Variants in GOLM1 observed in about 807,000 individuals in gnomAD.
GOLM1 encodes the protein golgi membrane protein 1.
GOLM1 carries 31 observed loss-of-function variants against 50.5 expected under a neutral mutation model. The observed-to-expected ratio is 0.61, with a 90% CI of 0.46 to 0.83. GOLM1 has a LOEUF of 0.83. Ranked by LOEUF, GOLM1 falls within the 40% of genes least tolerant of loss-of-function variation. The pLI, the probability that GOLM1 is intolerant of heterozygous loss-of-function variation, is 0.00. For synonymous variants in GOLM1, 178 were observed against 192.8 expected (o/e 0.92, Z 0.64); for missense variants, 491 against 501.3 (o/e 0.98, Z 0.20).
chr9:86,067,723 C>T (rs1464874107), intron 3 of GOLM1, among the ~76,000 whole-genome samples: 1 of 152,198 alleles, frequency 6.6e-6, no homozygotes, highest in Non-Finnish European at 1.5e-5. Context: ...ACAGGGTTGG[C>T]CGGGCGCAGT....
intron 7 of GOLM1, 50 bp from the exon 8 acceptor site, chr9:86,035,675 A>T: frequency 1.6e-6 from 2 of 1,270,128 alleles, no homozygotes; most frequent in African/African-American, 1.8e-5. Context: ...TTGATTTAAA[A>T]AAAAAAAAAA....
intron 3 of GOLM1, among the ~76,000 whole-genome samples, chr9:86,053,747 ACAC>A (rs1323452150): frequency 8.3e-4 from 1 of 1,212 alleles, no homozygotes; most frequent in Non-Finnish European, 1.9e-3. Flanking sequence ...CACACACCAC[ACAC>A]TACTGCACAC....
intron 3 of GOLM1, among the ~76,000 whole-genome samples, chr9:86,063,314 C>A (rs539613832): frequency 6.6e-6 from 1 of 152,352 alleles, no homozygotes; most frequent in African/African-American, 2.4e-5. Flanking sequence ...TCTCAATGGG[C>A]ACCCCAGGGC....
chr9:86,072,774 T>C (rs937301609), intron 3 of GOLM1, among the ~76,000 whole-genome samples: 15 of 152,232 alleles, frequency 9.9e-5, no homozygotes, highest in Admixed American at 6.5e-5. Flanking sequence ...CATCATAGAA[T>C]GCACTTATAC....
intron 9 of GOLM1, among the ~76,000 whole-genome samples, chr9:86,031,468 T>A (rs894658127): frequency 9.6e-5 from 14 of 145,250 alleles, no homozygotes; most frequent in Non-Finnish European, 6.0e-5. Context: ...TTTTTTTTTT[T>A]TTTTTTCCCC....
At chr9:86,047,757 G>T (rs1235427695) in intron 4 of GOLM1, among the ~76,000 whole-genome samples, 2 of 152,212 alleles carry the variant, frequency 1.3e-5, no homozygotes, top group Non-Finnish European at 2.9e-5. Flanking sequence ...AGCAGTCAAA[G>T]AAATGAATGA....
At chr9:86,056,954 T>C (rs967380351) in intron 3 of GOLM1, among the ~76,000 whole-genome samples, 2 of 152,192 alleles carry the variant, frequency 1.3e-5, no homozygotes, top group African/African-American at 4.8e-5. Flanking sequence ...GACTGAGCCA[T>C]GGTGCTGGGC....
At chr9:86,083,599 G>C (rs984036125) in intron 1 of GOLM1, among the ~76,000 whole-genome samples, 2 of 152,190 alleles carry the variant, frequency 1.3e-5, no homozygotes, top group Non-Finnish European at 2.9e-5. Flanking sequence ...TGTTGGCCAG[G>C]CTGGTCTCGA....
intron 1 of GOLM1, among the ~76,000 whole-genome samples, chr9:86,080,867 T>C (rs902181719): frequency 7.2e-5 from 11 of 152,164 alleles, no homozygotes; most frequent in African/African-American, 2.7e-4. Flanking sequence ...AGTCTCTTTT[T>C]TGACTCTTAA....
chr9:86,036,425 A>T lies in GOLM1; in HGVS notation c.680T>A (p.Val227Glu). 1.2e-6 allele frequency: 2 copies of T among 1,614,162 alleles called. No homozygotes were observed. Among genetic ancestry groups the T allele is most frequent in the Non-Finnish European group, 1.7e-6 (2 of 1,180,014 alleles). The change falls in exon 7 of 10, where the codon GTG becomes GAG. Residue 227 changes from valine (V) to glutamate (E), a missense_variant. Coordinates refer to ENST00000388712, the MANE Select transcript of GOLM1 (RefSeq NM_016548.4). ...TGTCTGGGACTTGCTGTTACCAAGC[A>T]CGTTTCCCTTCCCTTGTGGCACCTC... Reference protein sequence around the residue: ...HTEVPQGKGNVLGNSKSQTPA... With the variant: ...HTEVPQGKGNELGNSKSQTPA...
At chr9:86,096,064 C>T (rs1835347549) in intron 1 of GOLM1, among the ~76,000 whole-genome samples, 1 of 152,050 alleles carries the variant, frequency 6.6e-6, no homozygotes, top group South Asian at 2.1e-4. Flanking sequence ...TACTACTGAC[C>T]CCATGTTCTA....
At chr9:86,062,048 G>A (rs1220450956) in intron 3 of GOLM1, among the ~76,000 whole-genome samples, 7 of 151,800 alleles carry the variant, frequency 4.6e-5, no homozygotes, top group Admixed American at 4.6e-4. Context: ...ATCTATCCAG[G>A]AAAACACGTA....
intron 1 of GOLM1, among the ~76,000 whole-genome samples, chr9:86,088,336 CTTT>C (rs1234052329): frequency 2.7e-5 from 4 of 146,962 alleles, no homozygotes; most frequent in South Asian, 2.2e-4. Flanking sequence ...CTCTTTTCTT[CTTT>C]ATTAGTCTGG....
At chr9:86,036,254 G>T in intron 7 of GOLM1, 94 bp downstream of exon 7, 1 of 1,311,998 alleles carries the variant, frequency 7.6e-7, no homozygotes, top group Non-Finnish European at 1.1e-6. Flanking sequence ...CGCCGCTGCC[G>T]GGTTCACTGA....
chr9:86,033,248 G>A (rs781732511), intron 9 of GOLM1, 34 bp downstream of exon 9: 1 of 1,161,194 alleles, frequency 8.6e-7, no homozygotes, highest in Middle Eastern at 1.9e-4. Context: ...GAAATGAAAG[G>A]TGACCTCGTC....
At chr9:86,036,179 C>T (rs987617451) in intron 7 of GOLM1, among the ~76,000 whole-genome samples, 169 bp downstream of exon 7, 3 of 152,170 alleles carry the variant, frequency 2.0e-5, no homozygotes, top group Non-Finnish European at 4.4e-5. Context: ...GAGGAGACAT[C>T]TGTCAGAGAA....
chr9:86,073,023 G>T (rs1834495596), intron 3 of GOLM1, among the ~76,000 whole-genome samples: 1 of 152,196 alleles, frequency 6.6e-6, no homozygotes, highest in African/African-American at 2.4e-5. Context: ...CATCACATGT[G>T]GCGCATGACT....
At chr9:86,079,101 GC>G (rs1239015683) in intron 2 of GOLM1, 90 bp downstream of exon 2, 12 of 1,183,902 alleles carry the variant, frequency 1.0e-5, no homozygotes, top group Non-Finnish European at 1.3e-5. Flanking sequence ...GCCCTGGCTG[GC>G]AATAAACAAC....
intron 9 of GOLM1, among the ~76,000 whole-genome samples, chr9:86,028,132 C>T (rs1832843881): frequency 6.6e-6 from 1 of 152,042 alleles, no homozygotes; most frequent in Non-Finnish European, 1.5e-5. Flanking sequence ...GCTCCACCCT[C>T]AGGCTTGTGC....
Sources: allele counts gnomAD v4.1 joint callset (sites outside exome capture counted in the v4.1 genomes callset), GRCh38; gene constraint gnomAD v4.1.1; transcripts MANE v1.5; gene names NCBI Gene and HGNC (gene_info 2026-07-23, HGNC 2026-07-21).